The following REEP5 variants were observed in gnomAD, a reference collection of about 807,000 sequenced individuals.
REEP5 encodes receptor expression-enhancing protein 5.
REEP5 carries 24 observed loss-of-function variants against 22.4 expected under a neutral mutation model. The ratio of observed to expected loss-of-function variants is 1.07; its 90% CI spans 0.78 to 1.51. The LOEUF (loss-of-function observed/expected upper bound fraction) is 1.51. REEP5 is among the 40% of genes most tolerant of loss of function. The pLI, the probability that REEP5 is intolerant of heterozygous loss-of-function variation, is 0.00. For synonymous variants in REEP5, 103 were observed against 88.6 expected (o/e 1.16, Z -0.92); for missense variants, 252 against 233.0 (o/e 1.08, Z -0.53).
intron 3 of REEP5, among the ~76,000 whole-genome samples, 191 bp downstream of exon 3, chr5:112,902,189 A>G (rs1210797933): frequency 6.8e-6 from 1 of 147,348 alleles, no homozygotes; most frequent in Non-Finnish European, 1.5e-5. Flanking sequence ...CGGGAGGCTG[A>G]GGCAAGTGGC....
In REEP5 at chr5:112,902,401, G is replaced by A. The variant is rs1348026360; in HGVS notation, c.330C>T (p.Phe110=). The change falls in exon 3 of 5, where the codon TTC becomes TTT. Residue 110 remains phenylalanine, a synonymous_variant. Coordinates refer to ENST00000379638, the MANE Select transcript of REEP5 (RefSeq NM_005669.5). The part of the protein sequence containing the change: ...EFFSDIFLSW[F]PFYYMLKCGF... ...ATACCTTCAGCATGTAGTAGAAGGG[G>A]AACCATGACAGGAAGATATCAGAGA... 4 of 1,612,714 alleles carry A rather than the reference G, an allele frequency of 2.5e-6. No homozygotes were observed. The highest frequency in any genetic ancestry group is 3.4e-6 in the Non-Finnish European group (4 of 1,179,532).
At chr5:112,884,140 C>A (rs1768159754) in intron 4 of REEP5, among the ~76,000 whole-genome samples, 2 of 152,258 alleles carry the variant, frequency 1.3e-5, no homozygotes, top group African/African-American at 4.8e-5. Flanking sequence ...CAGGACAGAT[C>A]ATTTTGCTTC....
chr5:112,919,475 C>T (rs185781068), intron 2 of REEP5, among the ~76,000 whole-genome samples: 2 of 110,468 alleles, frequency 1.8e-5, no homozygotes, highest in East Asian at 2.6e-4. Flanking sequence ...TTGAATTTGG[C>T]GGGGGTGGGG....
intron 4 of REEP5, among the ~76,000 whole-genome samples, chr5:112,886,244 T>C (rs1053222996): frequency 2.6e-5 from 4 of 152,256 alleles, no homozygotes; most frequent in Non-Finnish European, 2.9e-5. Context: ...TTAAACGTCA[T>C]AGATAACCCC....
intron 3 of REEP5, among the ~76,000 whole-genome samples, chr5:112,899,646 C>T (rs1004277956): frequency 6.6e-6 from 1 of 152,112 alleles, no homozygotes; most frequent in African/African-American, 2.4e-5. Flanking sequence ...CCATGAATAT[C>T]TTTGTGCAGC....
At chr5:112,885,734 C>G in intron 4 of REEP5, 1 of 293,384 alleles carries the variant, frequency 3.4e-6, no homozygotes, top group Non-Finnish European at 7.1e-6. Context: ...AAGCTTGAAG[C>G]TATTAATGAA....
chr5:112,904,301 C>T (rs886619894), intron 2 of REEP5, among the ~76,000 whole-genome samples: 1 of 152,154 alleles, frequency 6.6e-6, no homozygotes, highest in Non-Finnish European at 1.5e-5. Flanking sequence ...CCAAAGAACA[C>T]AGTATATCCT....
At chr5:112,891,704 A>T in intron 3 of REEP5, 2 of 1,614,154 alleles carry the variant, frequency 1.2e-6, no homozygotes, top group Non-Finnish European at 1.7e-6. Context: ...CCAAGCCACA[A>T]AAAGTACAGG....
At chr5:112,921,997 C>T in intron 1 of REEP5, 76 bp downstream of exon 1, 1 of 1,518,012 alleles carries the variant, frequency 6.6e-7, no homozygotes, top group Non-Finnish European at 8.8e-7. Context: ...AGTCCTCTCC[C>T]TGCTTCCTTC....
rs529721521 is a variant in REEP5, at chr5:112,905,574, G to A, written c.213-3056C>T. ...AACAAAACAAAAAAAAAACAAACTT[G>A]AGGTTTTCTGAATGCTATTTACTTA... On this transcript the variant is annotated intron_variant, in intron 2 of 4. Coordinates refer to ENST00000379638, the MANE Select transcript of REEP5 (RefSeq NM_005669.5). 2.0e-5 allele frequency among the ~76,000 whole-genome samples: 3 copies of A among 148,698 alleles called. No homozygotes were observed. In the South Asian group the frequency reaches 6.4e-4, roughly 32 times the overall value.
intron 2 of REEP5, among the ~76,000 whole-genome samples, chr5:112,918,752 T>G (rs559918913): frequency 6.6e-6 from 1 of 152,218 alleles, no homozygotes; most frequent in Non-Finnish European, 1.5e-5. Context: ...TGCTGGCACC[T>G]GCACCTCTCT....
rs759491771 is a variant in REEP5 at position 112,909,452 on chromosome 5, CTAA to C, written c.213-6937_213-6935del. Reference sequence around the variant, plus strand: ...AGTAGCTGTCAGAGGGTTTATATGGCTAATAAGGCTAAAAGGAGATTAGAGTTA... The same window carrying C: ...AGTAGCTGTCAGAGGGTTTATATGGCTAAGGCTAAAAGGAGATTAGAGTTA... On this transcript the variant is annotated intron_variant, in intron 2 of 4. Transcript: ENST00000379638. Among the ~76,000 whole-genome samples, 24 of 151,758 alleles carry C rather than the reference CTAA, an allele frequency of 1.6e-4. No homozygotes were observed. In the South Asian group the frequency reaches 5.0e-3, roughly 32 times the overall value.
chr5:112,878,743 T>G lies in REEP5; in HGVS notation c.*43A>C. ...TCCCTAATATAACATCAAGCTCCAGTAGGAAGGTACAGAGAGGGCAGGAAG... is the reference window on the plus strand; with the variant it reads ...TCCCTAATATAACATCAAGCTCCAGGAGGAAGGTACAGAGAGGGCAGGAAG... On this transcript the variant is annotated 3_prime_UTR_variant, in exon 5 of 5. Transcript: ENST00000379638. The G allele has an allele frequency of 6.2e-7, 1 of 1,610,882 alleles. No homozygotes were observed. Among genetic ancestry groups the G allele is most frequent in the Non-Finnish European group, 8.5e-7 (1 of 1,179,056 alleles).
At chr5:112,898,524 T>C (rs1001720622) in intron 3 of REEP5, among the ~76,000 whole-genome samples, 1 of 152,212 alleles carries the variant, frequency 6.6e-6, no homozygotes, top group Admixed American at 6.5e-5. Context: ...TCTCTACCTC[T>C]CTGTGAACTC....
intron 3 of REEP5, chr5:112,895,337 A>G (rs770594795): frequency 2.0e-5 from 3 of 151,952 alleles, no homozygotes; most frequent in Non-Finnish European, 4.4e-5. Context: ...GAGTTTTAGG[A>G]AAGTCACAAA....
intron 3 of REEP5, among the ~76,000 whole-genome samples, chr5:112,899,324 G>A (rs183730502): frequency 2.3e-3 from 344 of 151,060 alleles, no homozygotes; most frequent in Non-Finnish European, 3.2e-3. Flanking sequence ...AAATTTGTGT[G>A]TGTGGAGACA....
At chr5:112,894,992 A>C (rs1262302123) in intron 3 of REEP5, 1 of 152,222 alleles carries the variant, frequency 6.6e-6, no homozygotes, top group East Asian at 1.9e-4. Flanking sequence ...TAATCCCAGC[A>C]CTTTAGGAGG....
At chr5:112,880,699 AG>A (rs1320859092) in intron 4 of REEP5, among the ~76,000 whole-genome samples, 3 of 152,226 alleles carry the variant, frequency 2.0e-5, no homozygotes, top group Admixed American at 1.3e-4. Flanking sequence ...TAACAAAGTA[AG>A]ATTGGATTTT....
Position 112,922,113 on chromosome 5 carries a change from G to T in REEP5, c.78C>A (p.Leu26=), listed in dbSNP as rs761706701. The T allele has an allele frequency of 1.9e-6, 3 of 1,604,930 alleles. No homozygotes were observed. The highest frequency in any genetic ancestry group is 3.4e-5 in the Admixed American group (2 of 58,836). The change falls in exon 1 of 5, where the codon CTC becomes CTA. Residue 26 remains leucine, a synonymous_variant. Transcript: ENST00000379638. ...KNCMTDLLAK[L]EAKTGVNRSF... The stretch of plus-strand genomic sequence containing the variant: ...TCCTGTTCACGCCGGTTTTGGCCTC[G>T]AGCTTGGCCAGAAGGTCAGTCATGC...
Sources: allele counts gnomAD v4.1 joint callset (sites outside exome capture counted in the v4.1 genomes callset), GRCh38; gene constraint gnomAD v4.1.1; transcripts MANE v1.5; gene names NCBI Gene and HGNC (gene_info 2026-07-23, HGNC 2026-07-21).